The following ZNF804B variants were observed in gnomAD, a reference collection of about 807,000 sequenced individuals.
ZNF804B encodes zinc finger protein 804B, also known as zinc finger 804B.
Under a neutral mutation model 101.4 loss-of-function variants are expected in ZNF804B, and 80 were observed. The ratio of observed to expected loss-of-function variants is 0.79; its 90% CI spans 0.66 to 0.95. The LOEUF (loss-of-function observed/expected upper bound fraction) is 0.95, where lower values mean the gene tolerates loss of function less well. ZNF804B is among the 40% of genes least tolerant of loss of function. The probability of loss-of-function intolerance (pLI) is 0.00; values close to 1 mark genes in which losing one functional copy is unlikely to be tolerated. For missense variants in ZNF804B, 1,673 were observed against 1,561.9 expected, an observed-to-expected ratio of 1.07 and a Z score of -1.20; for synonymous variants, 622 against 558.8, an observed-to-expected ratio of 1.11 and a Z score of -1.59.
At chr7:89,049,373 G>A (rs1412155703) in intron 1 of ZNF804B, among the ~76,000 whole-genome samples, 1 of 152,108 alleles carries the variant, frequency 6.6e-6, no homozygotes, top group Admixed American at 6.6e-5. Flanking sequence ...CTGATGTGTT[G>A]GAGTTGGCCT....
intron 1 of ZNF804B, among the ~76,000 whole-genome samples, chr7:88,780,117 A>G (rs1450413489): frequency 1.3e-5 from 2 of 152,190 alleles, no homozygotes; most frequent in Admixed American, 1.3e-4. Context: ...CAAAACTACA[A>G]TAAGATGTCA....
chr7:89,003,234 G>A, intron 1 of ZNF804B, among the ~76,000 whole-genome samples: 1 of 151,952 alleles, frequency 6.6e-6, no homozygotes, highest in East Asian at 1.9e-4. Context: ...AGGCAGCAAT[G>A]TAACAGTTCT....
intron 1 of ZNF804B, among the ~76,000 whole-genome samples, chr7:89,143,011 C>T (rs1790739978): frequency 6.6e-6 from 1 of 151,952 alleles, no homozygotes; most frequent in South Asian, 2.1e-4. Context: ...CTTTACAAAA[C>T]TCAGAGGACT....
intron 1 of ZNF804B, among the ~76,000 whole-genome samples, chr7:89,012,680 G>A (rs1391078110): frequency 2.6e-5 from 4 of 152,114 alleles, no homozygotes; most frequent in African/African-American, 9.7e-5. Flanking sequence ...CATTCAACAA[G>A]TCTCTAGGAA....
intron 1 of ZNF804B, among the ~76,000 whole-genome samples, chr7:88,999,686 G>A (rs529665848): frequency 9.9e-5 from 15 of 151,996 alleles, no homozygotes; most frequent in Admixed American, 7.9e-4. Flanking sequence ...GTATTAATGA[G>A]CCAGCATGTA....
intron 1 of ZNF804B, among the ~76,000 whole-genome samples, chr7:89,158,228 A>C (rs1791005413): frequency 6.6e-6 from 1 of 152,160 alleles, no homozygotes. Context: ...AATGTTCTGA[A>C]GTTCTTCAAT....
At chr7:89,329,403 G>T (rs1790944300) in intron 3 of ZNF804B, among the ~76,000 whole-genome samples, 1 of 151,688 alleles carries the variant, frequency 6.6e-6, no homozygotes, top group Non-Finnish European at 1.5e-5. Flanking sequence ...ACAAGTGAAA[G>T]TTAAAAATAA....
intron 1 of ZNF804B, among the ~76,000 whole-genome samples, chr7:88,828,726 C>G (rs953562134): frequency 6.6e-6 from 1 of 152,094 alleles, no homozygotes; most frequent in Non-Finnish European, 1.5e-5. Flanking sequence ...TTGAGATGAT[C>G]ATATGATTTA....
In ZNF804B at chr7:88,787,351, A is replaced by G. The variant is rs28654606; in HGVS notation, c.108+27267A>G. On this transcript the variant is annotated intron_variant, in intron 1 of 3. Coordinates refer to ENST00000333190, the MANE Select transcript of ZNF804B (RefSeq NM_181646.5). Reference sequence around the variant, plus strand: ...ATTTATTGAGTGCTGACTATACTCAAATTACTGTGAATTTACCTGTTAACC... The same window carrying G: ...ATTTATTGAGTGCTGACTATACTCAGATTACTGTGAATTTACCTGTTAACC... Among the ~76,000 whole-genome samples, 323 of 152,246 alleles carry G rather than the reference A, an allele frequency of 2.1e-3. 2 individuals carry two copies. The highest frequency in any genetic ancestry group is 7.5e-3 in the African/African-American group (313 of 41,554).
At chr7:89,187,354 A>G (rs371460624) in intron 1 of ZNF804B, among the ~76,000 whole-genome samples, 28 of 152,292 alleles carry the variant, frequency 1.8e-4, no homozygotes, top group African/African-American at 6.7e-4. Flanking sequence ...CAAATGGGAA[A>G]GTACATCAGT....
chr7:89,335,318 C>A lies in ZNF804B; in HGVS notation c.2336C>A (p.Pro779Gln), dbSNP rs1320279825. The A allele has an allele frequency of 6.8e-6, 11 of 1,613,516 alleles. No homozygotes were observed. The Admixed American group carries it at 1.8e-4, about 27-fold the overall frequency. Reference sequence around the variant, plus strand: ...AAGAGCAGCCAAATGCAGTCTGAACCACAGAAAGAGAGGAACTGCAAATTG... The same window carrying A: ...AAGAGCAGCCAAATGCAGTCTGAACAACAGAAAGAGAGGAACTGCAAATTG... ...ITKSSQMQSE[P>Q]QKERNCKLWE... is the part of the protein sequence containing the mutation. The change falls in exon 4 of 4, where the codon CCA becomes CAA. Residue 779 changes from proline (P) to glutamine (Q), a missense_variant. By Grantham distance (76) the Pro-to-Gln change is moderately conservative (BLOSUM62 -1). Transcript: ENST00000333190.
rs1467749075 is a variant in ZNF804B at position 89,273,925 on chromosome 7, AGAT to A, written c.250-53418_250-53416del. ...AATGTTACACATTAATCTCAATAAG[AGAT>A]TTTTTTCTTTTTCTCAAGTCAGTAG... On this transcript the variant is annotated intron_variant, in intron 2 of 3. Transcript: ENST00000333190. Among the ~76,000 whole-genome samples the A allele has an allele frequency of 3.4e-5, 4 of 115,978 alleles. No homozygotes were observed. In the South Asian group the frequency reaches 1.1e-3, roughly 33 times the overall value. The allele number at this position is 115,978 out of a possible 152,430, so 76.1% of individuals were successfully genotyped here.
intron 2 of ZNF804B, among the ~76,000 whole-genome samples, chr7:89,304,847 T>TTA (rs1323431043): frequency 6.6e-6 from 1 of 151,896 alleles, no homozygotes; most frequent in East Asian, 1.9e-4. Flanking sequence ...GGTCTTAATC[T>TTA]TACCTGGGTC....
rs73393427 is a variant in ZNF804B at position 88,810,775 on chromosome 7, C to T, written c.108+50691C>T. ...TGTACAAATGCACTTTGTTAAATAACCTTCCAATCTTCAGCATTTTAAATT... is the reference window on the plus strand; with the variant it reads ...TGTACAAATGCACTTTGTTAAATAATCTTCCAATCTTCAGCATTTTAAATT... On this transcript the variant is annotated intron_variant, in intron 1 of 3. Coordinates refer to ENST00000333190, the MANE Select transcript of ZNF804B (RefSeq NM_181646.5). Among the ~76,000 whole-genome samples, 358 of 152,076 alleles carry T rather than the reference C, an allele frequency of 2.4e-3. 2 individuals carry two copies. The highest frequency in any genetic ancestry group is 8.5e-3 in the African/African-American group (354 of 41,502).
intron 1 of ZNF804B, among the ~76,000 whole-genome samples, chr7:88,947,800 AAGC>A (rs1292262226): frequency 6.7e-6 from 1 of 150,034 alleles, no homozygotes; most frequent in Non-Finnish European, 1.5e-5. Context: ...TTCTGGTCCC[AAGC>A]ATTTCAGATA....
intron 2 of ZNF804B, among the ~76,000 whole-genome samples, chr7:89,220,246 T>C (rs924223322): frequency 2.0e-5 from 3 of 150,692 alleles, no homozygotes; most frequent in Non-Finnish European, 4.4e-5. Flanking sequence ...AAACGTAAGA[T>C]ATATGTATAT....
intron 1 of ZNF804B, among the ~76,000 whole-genome samples, chr7:88,935,583 A>G (rs1792954299): frequency 6.6e-6 from 1 of 151,718 alleles, no homozygotes; most frequent in African/African-American, 2.4e-5. Context: ...TAGGGTGGGC[A>G]CCTTCCACAT....
intron 1 of ZNF804B, among the ~76,000 whole-genome samples, chr7:88,942,084 C>A (rs1424803462): frequency 6.6e-6 from 1 of 151,744 alleles, no homozygotes; most frequent in South Asian, 2.1e-4. Flanking sequence ...TTAAAATAAT[C>A]CTAAGAAAAT....
chr7:88,926,943 C>CAGG (rs1554346833), intron 1 of ZNF804B, among the ~76,000 whole-genome samples: 1 of 144,352 alleles, frequency 6.9e-6, no homozygotes, highest in Non-Finnish European at 1.5e-5. Flanking sequence ...TGGTGGGGAG[C>CAGG]GGGGGGAAAG....
Sources: gnomAD v4.1 joint callset for allele counts (sites outside exome capture counted in the v4.1 genomes callset) on GRCh38, gnomAD v4.1.1 for gene constraint, MANE v1.5 for transcripts, NCBI Gene and HGNC (gene_info 2026-07-23, HGNC 2026-07-21) for gene names.